Variants in KCNH1 observed in about 807,000 individuals in gnomAD.
KCNH1 encodes voltage-gated delayed rectifier potassium channel KCNH1.
In KCNH1, 27 loss-of-function variants were observed where a neutral mutation model predicts 69.2. The ratio of observed to expected loss-of-function variants is 0.39; its 90% CI spans 0.29 to 0.54. KCNH1 has a LOEUF of 0.54. Ranked by LOEUF, KCNH1 falls within the 20% of genes least tolerant of loss-of-function variation. The probability of loss-of-function intolerance (pLI) is 0.68; values close to 1 mark genes in which losing one functional copy is unlikely to be tolerated. For synonymous variants in KCNH1, 456 were observed against 487.7 expected, an observed-to-expected ratio of 0.93 and a Z score of 0.86; for missense variants, 798 against 1,261.6, an observed-to-expected ratio of 0.63 and a Z score of 5.57.
Position 210,681,359 on chromosome 1 carries a change from A to T in KCNH1, c.*1922T>A, listed in dbSNP as rs1681261457. On this transcript the variant is annotated 3_prime_UTR_variant, in exon 11 of 11. Transcript: ENST00000271751. Reference sequence around the variant, plus strand: ...GACTTCCTCTTACTTGTATGCCGCCATCTGAGGCTAAATCTAATTATGTCG... The same window carrying T: ...GACTTCCTCTTACTTGTATGCCGCCTTCTGAGGCTAAATCTAATTATGTCG... 6.6e-6 allele frequency: 1 copy of T among 152,220 alleles called. No individual in the cohort carries two copies. The highest frequency in any genetic ancestry group is 6.5e-5 in the Admixed American group (1 of 15,286). The allele number at this position is 152,220 out of a possible 1,614,324, so 9.4% of individuals were successfully genotyped here. A position where few individuals can be genotyped will look rare whatever the true frequency, so the allele number is the denominator to read the frequency against.
intron 5 of KCNH1, among the ~76,000 whole-genome samples, chr1:211,059,112 C>G (rs1248986778): frequency 1.3e-5 from 2 of 151,500 alleles, no homozygotes; most frequent in African/African-American, 4.9e-5. Flanking sequence ...AACCCTGTCT[C>G]TACTGAAAAT....
intron 9 of KCNH1, among the ~76,000 whole-genome samples, chr1:210,793,419 G>T (rs1338481727): frequency 6.6e-6 from 1 of 152,192 alleles, no homozygotes; most frequent in Non-Finnish European, 1.5e-5. Context: ...GTATAACTGT[G>T]TGTGCACTTG....
At chr1:210,799,358 C>G (rs1295381609) in intron 8 of KCNH1, among the ~76,000 whole-genome samples, 1 of 152,130 alleles carries the variant, frequency 6.6e-6, no homozygotes, top group Non-Finnish European at 1.5e-5. Context: ...TAGATCCCAA[C>G]CAATTCCTAT....
rs74449886 is a variant in KCNH1, at chr1:210,792,687, T to TAAA, written c.1915+4818_1915+4820dup. Among the ~76,000 whole-genome samples, 761 of 139,318 alleles carry TAAA rather than the reference T, an allele frequency of 5.5e-3. 4 individuals carry two copies. Among genetic ancestry groups the TAAA allele is most frequent in the African/African-American group, 0.019 (719 of 37,174 alleles). The allele number at this position is 139,318 out of a possible 152,430, so 91.4% of individuals were successfully genotyped here. ...AAATACTTGTTTGCCCCAAGAAAAT[T>TAAA]AAAAAAAAAAAAATCCACAAAACAG... On this transcript the variant is annotated intron_variant, in intron 9 of 10. Transcript: ENST00000271751.
intron 3 of KCNH1, among the ~76,000 whole-genome samples, chr1:211,095,220 T>A (rs552350453): frequency 6.6e-6 from 1 of 152,300 alleles, no homozygotes; most frequent in South Asian, 2.1e-4. Context: ...GTGCCTACTA[T>A]GGAAAAACTG....
intron 7 of KCNH1, among the ~76,000 whole-genome samples, chr1:210,828,234 G>A (rs1324031146): frequency 6.6e-6 from 1 of 152,080 alleles, no homozygotes. Flanking sequence ...GACGATGGGA[G>A]GAACTCAATA....
intron 5 of KCNH1, among the ~76,000 whole-genome samples, chr1:211,037,492 C>CTTT (rs59386390): frequency 1.7e-3 from 199 of 115,352 alleles, no homozygotes; most frequent in African/African-American, 5.9e-3. Context: ...TAATTCAGTG[C>CTTT]TTTTTTTTTT....
At chr1:210,716,383 G>T (rs1228026265) in intron 10 of KCNH1, among the ~76,000 whole-genome samples, 1 of 138,540 alleles carries the variant, frequency 7.2e-6, no homozygotes, top group African/African-American at 2.8e-5. Flanking sequence ...AGTGAGCAGA[G>T]ATTGTGCCAC....
At chr1:211,089,686 C>A (rs1331897911) in intron 4 of KCNH1, among the ~76,000 whole-genome samples, 1 of 152,230 alleles carries the variant, frequency 6.6e-6, no homozygotes, top group African/African-American at 2.4e-5. Context: ...TTTGCTACAT[C>A]TCAGAAAACC....
chr1:210,919,903 A>G lies in KCNH1; in HGVS notation c.1199T>C (p.Ile400Thr), dbSNP rs1238696808. 24 of 1,614,020 alleles carry G rather than the reference A, an allele frequency of 1.5e-5. No homozygotes were observed. Among genetic ancestry groups the G allele is most frequent in the East Asian group, 4.5e-5 (2 of 44,896 alleles). Residue 400 changes from isoleucine (I) to threonine (T), a missense_variant, in exon 7 of 11, where the codon ATT becomes ACT. Physicochemically the swap from Ile to Thr is moderately conservative, Grantham distance 89 (BLOSUM62 -1). Coordinates refer to ENST00000271751, the MANE Select transcript of KCNH1 (RefSeq NM_172362.3). The surrounding 1 kb of genome is among the most constrained non-coding windows in gnomAD (Gnocchi z 4.2). ...CTCGTCAAAGATCTCATAGTCCCCA[A>G]TGCTGTACCAGATGCAGGCCATCCA... ...AHWMACIWYS[I>T]GDYEIFDEDT...
intron 6 of KCNH1, among the ~76,000 whole-genome samples, chr1:211,018,573 G>A (rs1464072329): frequency 6.6e-6 from 1 of 152,184 alleles, no homozygotes; most frequent in Non-Finnish European, 1.5e-5. Flanking sequence ...GTAAGCCTTT[G>A]GTCTCTTCCA....
At position 210,688,519 on chromosome 1, in the gene KCNH1, G is replaced by A. The variant is rs114780747; in HGVS notation, c.2113-4381C>T. Among the ~76,000 whole-genome samples, 353 of 152,314 alleles carry A rather than the reference G, an allele frequency of 2.3e-3. 4 individuals are homozygous for A. Among genetic ancestry groups the A allele is most frequent in the African/African-American group, 8.2e-3 (342 of 41,572 alleles). On this transcript the variant is annotated intron_variant, in intron 10 of 10. Coordinates refer to ENST00000271751, the MANE Select transcript of KCNH1 (RefSeq NM_172362.3). ...TAATGTTTGTGGTTTAATGGGGAGA[G>A]AGAAAAAGAGATCACAGGTAACTTC...
chr1:211,003,875 C>T (rs1205125468), intron 6 of KCNH1, among the ~76,000 whole-genome samples: 4 of 152,044 alleles, frequency 2.6e-5, no homozygotes, highest in East Asian at 1.9e-4. Flanking sequence ...AGGCGGATCA[C>T]GAGGTCAGGA....
In KCNH1 at chr1:211,097,109, C is replaced by A. The variant is rs1026059988; in HGVS notation, c.310+6387G>T. Among the ~76,000 whole-genome samples, 4 of 152,234 alleles carry A rather than the reference C, an allele frequency of 2.6e-5. No homozygotes were observed. The East Asian group carries it at 7.7e-4, about 29-fold the overall frequency. On this transcript the variant is annotated intron_variant, in intron 3 of 10. Coordinates refer to ENST00000271751, the MANE Select transcript of KCNH1 (RefSeq NM_172362.3). The stretch of plus-strand genomic sequence containing the variant: ...TCCTAGAGAAGAAGACAGAAACAAA[C>A]CCACATATGTGTGAGACCTTAGCAT...
At chr1:210,763,881 T>C (rs1271729137) in intron 10 of KCNH1, among the ~76,000 whole-genome samples, 1 of 152,046 alleles carries the variant, frequency 6.6e-6, no homozygotes, top group Non-Finnish European at 1.5e-5. Flanking sequence ...CTAAAATTCA[T>C]ATGGAACCAA....
At chr1:210,862,350 C>A (rs1001640179) in intron 7 of KCNH1, 1 of 680,246 alleles carries the variant, frequency 1.5e-6, no homozygotes, top group African/African-American at 1.8e-5. Context: ...CTACTCACTG[C>A]ACACATGGAC....
chr1:210,796,468 A>G (rs569322845), intron 9 of KCNH1, among the ~76,000 whole-genome samples: 13 of 152,256 alleles, frequency 8.5e-5, no homozygotes, highest in African/African-American at 2.6e-4. Flanking sequence ...ACCACCAATA[A>G]AGAGCTGTTG....
intron 5 of KCNH1, among the ~76,000 whole-genome samples, chr1:211,046,564 T>C (rs1690097995): frequency 6.6e-6 from 1 of 152,188 alleles, no homozygotes; most frequent in Non-Finnish European, 1.5e-5. Context: ...TCCTATTTTA[T>C]AAGAAGAAAC....
chr1:211,090,632 C>G lies in KCNH1; in HGVS notation c.369G>C (p.Val123=), dbSNP rs779514162. 6.2e-7 allele frequency: 1 copy of G among 1,608,996 alleles called. No individual in the cohort carries two copies. Among genetic ancestry groups the G allele is most frequent in the Non-Finnish European group, 8.5e-7 (1 of 1,178,894 alleles). ...CACTGAAAGTGCAAAGAAATAAAAC[C>G]ACTTTATCCTGTTCGTTTCGAATTG... ...IAPIRNEQDK[V]VLFLCTFSDI... The change falls in exon 4 of 11, where the codon GTG becomes GTC. Residue 123 remains valine (V), a synonymous_variant. Coordinates refer to ENST00000271751, the MANE Select transcript of KCNH1 (RefSeq NM_172362.3).
Sources: allele counts gnomAD v4.1 joint callset (sites outside exome capture counted in the v4.1 genomes callset), GRCh38; gene constraint gnomAD v4.1.1; non-coding constraint Gnocchi (gnomAD v3.1); transcripts MANE v1.5; gene names NCBI Gene and HGNC (gene_info 2026-07-23, HGNC 2026-07-21).